Variants in ZHX3 observed in about 807,000 individuals in gnomAD.
ZHX3 encodes the protein zinc fingers and homeoboxes 3, also known as zinc fingers and homeoboxes protein 3.
In ZHX3, 20 loss-of-function variants were observed where a neutral mutation model predicts 64.5. The observed-to-expected ratio is 0.31, with a 90% CI of 0.22 to 0.45. The LOEUF (loss-of-function observed/expected upper bound fraction) is 0.45, where lower values mean the gene tolerates loss of function less well. ZHX3 is among the 20% of genes least tolerant of loss of function. ZHX3 has a pLI of 1.00. For missense variants in ZHX3, 1,041 were observed against 1,195.8 expected (o/e 0.87, Z 1.91); for synonymous variants, 423 against 461.6 (o/e 0.92, Z 1.07).
At chr20:41,239,275 C>T (rs1388670893) in intron 2 of ZHX3, among the ~76,000 whole-genome samples, 1 of 151,974 alleles carries the variant, frequency 6.6e-6, no homozygotes, top group African/African-American at 2.4e-5. Context: ...TCCCAAAGTG[C>T]TGGGATTACA....
rs533231447 is a variant in ZHX3 at position 41,195,777 on chromosome 20, T to C, written c.2860+6280A>G. Among the ~76,000 whole-genome samples the C allele has an allele frequency of 6.6e-6, 1 of 152,238 alleles. No individual in the cohort carries two copies. Among genetic ancestry groups the C allele is most frequent in the Non-Finnish European group, 1.5e-5 (1 of 68,044 alleles). ...ATTTACCTCTTAGGATTGCTTTCACTATGTGTCATAAGTTCTGGTATGCTG... is the reference window on the plus strand; with the variant it reads ...ATTTACCTCTTAGGATTGCTTTCACCATGTGTCATAAGTTCTGGTATGCTG... On this transcript the variant is annotated intron_variant, in intron 3 of 3. Coordinates refer to ENST00000683867, the MANE Select transcript of ZHX3 (RefSeq NM_001384317.1). The surrounding 1 kb of genome is among the most constrained non-coding windows in gnomAD (Gnocchi z 4.2).
chr20:41,248,861 T>C (rs1405675978), intron 2 of ZHX3, among the ~76,000 whole-genome samples: 2 of 152,114 alleles, frequency 1.3e-5, no homozygotes, highest in African/African-American at 4.8e-5. Context: ...AAAAGATTTT[T>C]CCCCCCTGAC....
chr20:41,253,446 C>T (rs2042088211), intron 2 of ZHX3, among the ~76,000 whole-genome samples: 1 of 152,046 alleles, frequency 6.6e-6, no homozygotes. Flanking sequence ...TTTTTTCCAT[C>T]TACTTCTCAT....
chr20:41,203,894 G>A lies in ZHX3; in HGVS notation c.1023C>T (p.Thr341=). 2 of 1,614,222 alleles carry A rather than the reference G, an allele frequency of 1.2e-6. No homozygotes were observed. The highest frequency in any genetic ancestry group is 1.7e-6 in the Non-Finnish European group (2 of 1,180,034). Reference sequence around the variant, plus strand: ...TCTTGAGCTGTTCTTCTGGATACTTGGTCACCACAGTCAAATAGCAGAGCT... The same window carrying A: ...TCTTGAGCTGTTCTTCTGGATACTTAGTCACCACAGTCAAATAGCAGAGCT... ...KAELCYLTVV[T]KYPEEQLKIW... Residue 341 remains threonine (T), a synonymous_variant, in exon 3 of 4, where the codon ACC becomes ACT. Transcript: ENST00000683867. The surrounding 1 kb of genome is among the most constrained non-coding windows in gnomAD (Gnocchi z 7.1).
chr20:41,222,095 T>G (rs1600827028), intron 2 of ZHX3, among the ~76,000 whole-genome samples: 1 of 152,126 alleles, frequency 6.6e-6, no homozygotes, highest in South Asian at 2.1e-4. Context: ...GAAAACACAG[T>G]GGAGAAGTAG....
intron 2 of ZHX3, among the ~76,000 whole-genome samples, chr20:41,252,185 A>C (rs1443563310): frequency 6.6e-6 from 1 of 152,196 alleles, no homozygotes; most frequent in African/African-American, 2.4e-5. Flanking sequence ...AGAAGGCCTG[A>C]AAGACCAGGA....
At position 41,183,145 on chromosome 20, in the gene ZHX3, G is replaced by A. The variant is rs560851670; in HGVS notation, c.*2046C>T. 1.7e-4 allele frequency: 26 copies of A among 152,188 alleles called. No homozygotes were observed. The highest frequency in any genetic ancestry group is 5.1e-4 in the African/African-American group (21 of 41,514). The allele number at this position is 152,188 out of a possible 1,614,324, so 9.4% of individuals were successfully genotyped here. A position where few individuals can be genotyped will look rare whatever the true frequency, so the allele number is the denominator to read the frequency against. ...TGCACACGCCAGATGCGCGTTTTAC[G>A]AGAATCAAATGAGTATTTATACTGT... On this transcript the variant is annotated 3_prime_UTR_variant, in exon 4 of 4. Transcript: ENST00000683867. The surrounding 1 kb of genome is among the most constrained non-coding windows in gnomAD (Gnocchi z 5.3).
At chr20:41,218,805 G>T (rs1446214873) in intron 2 of ZHX3, among the ~76,000 whole-genome samples, 2 of 152,130 alleles carry the variant, frequency 1.3e-5, no homozygotes, top group African/African-American at 4.8e-5. Flanking sequence ...CCCAGAGCTG[G>T]CCTCAATTTG....
At chr20:41,267,110 G>C (rs1018697627) in intron 2 of ZHX3, among the ~76,000 whole-genome samples, 1 of 152,038 alleles carries the variant, frequency 6.6e-6, no homozygotes, top group African/African-American at 2.4e-5. Context: ...GCCTCCCAGA[G>C]TGCTGGGATT....
chr20:41,287,131 G>C (rs1485596550), intron 1 of ZHX3, among the ~76,000 whole-genome samples: 1 of 152,092 alleles, frequency 6.6e-6, no homozygotes, highest in East Asian at 1.9e-4. Flanking sequence ...TGAGGCCTTT[G>C]ACTTACTATT....
chr20:41,179,936 C>T lies in ZHX3; in HGVS notation c.*5255G>A, dbSNP rs569186285. On this transcript the variant is annotated 3_prime_UTR_variant, in exon 4 of 4. Transcript: ENST00000683867. The surrounding 1 kb of genome is among the most constrained non-coding windows in gnomAD (Gnocchi z 4.3). The stretch of plus-strand genomic sequence containing the variant: ...TGAGCCACTGCGCCCAGCCAAGTCA[C>T]GTTAATTTTGAATCATCCACTTACG... 3.3e-5 allele frequency: 5 copies of T among 152,624 alleles called. No individual in the cohort carries two copies. The highest frequency in any genetic ancestry group is 2.1e-4 in the South Asian group (1 of 4,814). The allele number at this position is 152,624 out of a possible 1,614,324, so 9.5% of individuals were successfully genotyped here.
intron 1 of ZHX3, among the ~76,000 whole-genome samples, chr20:41,283,275 A>G (rs2043780953): frequency 6.6e-6 from 1 of 152,084 alleles, no homozygotes; most frequent in Non-Finnish European, 1.5e-5. Flanking sequence ...GTGATTTTCT[A>G]TACCCTGGAA....
At chr20:41,264,559 C>CAA (rs1459734000) in intron 2 of ZHX3, among the ~76,000 whole-genome samples, 2 of 83,874 alleles carry the variant, frequency 2.4e-5, no homozygotes, top group African/African-American at 4.0e-5. Flanking sequence ...AACTCCATCT[C>CAA]AAAAAAAAAA....
At chr20:41,260,099 C>T (rs6029596) in intron 2 of ZHX3, among the ~76,000 whole-genome samples, 87,843 of 151,408 alleles carry the variant, frequency 0.58, 26,792 homozygotes, top group East Asian at 0.82. Context: ...TTTGCTAATA[C>T]TCATTTCTAA....
At chr20:41,190,899 C>G (rs1008904277) in intron 3 of ZHX3, among the ~76,000 whole-genome samples, 2 of 152,208 alleles carry the variant, frequency 1.3e-5, no homozygotes, top group Non-Finnish European at 2.9e-5. Context: ...CTGCTGAAAT[C>G]CACTGTTAGT....
intron 1 of ZHX3, among the ~76,000 whole-genome samples, chr20:41,316,090 C>T (rs1033619558): frequency 6.6e-6 from 1 of 151,918 alleles, no homozygotes; most frequent in Admixed American, 6.6e-5. Context: ...CCACACTTCC[C>T]ATGCAATGTT....
intron 2 of ZHX3, among the ~76,000 whole-genome samples, chr20:41,223,884 G>GTAGT (rs1408876861): frequency 6.6e-6 from 1 of 152,172 alleles, no homozygotes; most frequent in Non-Finnish European, 1.5e-5. Context: ...CAAATACCAA[G>GTAGT]TAGTGCTCCT....
chr20:41,219,327 C>A lies in ZHX3; in HGVS notation c.-150-14261G>T, dbSNP rs1322109723. On this transcript the variant is annotated intron_variant, in intron 2 of 3. Coordinates refer to ENST00000683867, the MANE Select transcript of ZHX3 (RefSeq NM_001384317.1). The surrounding 1 kb of genome is among the most constrained non-coding windows in gnomAD (Gnocchi z 5.0). ...AAGTAAACATTAATTTGTTCTTTCT[C>A]AAGCTCAGAAGGTGATTGTGATATA... Among the ~76,000 whole-genome samples the A allele has an allele frequency of 6.6e-6, 1 of 152,158 alleles. No individual in the cohort carries two copies. The highest frequency in any genetic ancestry group is 2.1e-4 in the South Asian group (1 of 4,824).
chr20:41,250,343 G>C (rs538650593), intron 2 of ZHX3, among the ~76,000 whole-genome samples: 2 of 152,310 alleles, frequency 1.3e-5, no homozygotes, highest in Non-Finnish European at 2.9e-5. Context: ...GATTTAAATA[G>C]GACCCAGACT....
Sources: allele counts gnomAD v4.1 joint callset (sites outside exome capture counted in the v4.1 genomes callset), GRCh38; gene constraint gnomAD v4.1.1; non-coding constraint Gnocchi (gnomAD v3.1); transcripts MANE v1.5; gene names NCBI Gene and HGNC (gene_info 2026-07-23, HGNC 2026-07-21).